Variants in GAS7 observed in about 807,000 individuals in gnomAD.
The protein encoded by GAS7 is growth arrest specific 7, also known as growth arrest-specific protein 7.
In GAS7, 28 loss-of-function variants were observed where a neutral mutation model predicts 71.1. The observed-to-expected ratio is 0.39, with a 90% CI of 0.29 to 0.54. The LOEUF is 0.54. GAS7 is among the 20% of genes least tolerant of loss of function. The pLI is 0.62. For synonymous variants in GAS7, 258 were observed against 245.8 expected (o/e 1.05, Z -0.46); for missense variants, 436 against 627.8 (o/e 0.69, Z 3.27).
chr17:10,113,128 C>T (rs1307831628), intron 1 of GAS7, among the ~76,000 whole-genome samples: 1 of 151,934 alleles, frequency 6.6e-6, no homozygotes, highest in Non-Finnish European at 1.5e-5. Flanking sequence ...GAGAGAAATT[C>T]AACAGAAAGT....
intron 5 of GAS7, among the ~76,000 whole-genome samples, chr17:9,958,732 T>C (rs2069350286): frequency 6.6e-6 from 1 of 152,192 alleles, no homozygotes; most frequent in Non-Finnish European, 1.5e-5. Flanking sequence ...CTGGCCACTC[T>C]AGGCAGAAGC....
At chr17:10,167,232 T>C (rs1448070484) in intron 1 of GAS7, among the ~76,000 whole-genome samples, 1 of 150,448 alleles carries the variant, frequency 6.6e-6, no homozygotes. Flanking sequence ...TAATTTTGTG[T>C]TTTTAGTAGA....
At position 9,925,616 on chromosome 17, in the gene GAS7, C is replaced by T. The variant is rs750871893; in HGVS notation, c.1015-17G>A. 53 of 1,613,772 alleles carry T rather than the reference C, an allele frequency of 3.3e-5. No individual in the cohort carries two copies. Among genetic ancestry groups the T allele is most frequent in the East Asian group, 4.5e-5 (2 of 44,880 alleles). ...TTTCCGGGCCTGGGGTCCAAGGACA[C>T]GGAGAAGCTGCTCATACAGCTCGGA... On this transcript the variant is annotated splice_polypyrimidine_tract_variant and intron_variant, in intron 10 of 13. Transcript: ENST00000432992.
chr17:9,934,368 C>G (rs996418567), intron 8 of GAS7, 124 bp from the exon 9 acceptor site: 2 of 684,060 alleles, frequency 2.9e-6, no homozygotes, highest in Admixed American at 2.3e-5. Flanking sequence ...GCGGATGAGG[C>G]AGAAGTCAGG....
chr17:9,925,414 C>T, intron 11 of GAS7, 62 bp downstream of exon 11: 2 of 1,576,954 alleles, frequency 1.3e-6, no homozygotes, highest in Non-Finnish European at 1.7e-6. Context: ...ACCTCATCTC[C>T]TAGCCCCGTG....
At position 10,176,572 on chromosome 17, in the gene GAS7, T is replaced by C. The variant is rs142314459; in HGVS notation, c.183+21636A>G. Reference sequence around the variant, plus strand: ...AAGGTCAGAGATCTTACATGAACATTGCAAGGCCAAAGAGCCAATAACTCT... The same window carrying C: ...AAGGTCAGAGATCTTACATGAACATCGCAAGGCCAAAGAGCCAATAACTCT... On this transcript the variant is annotated intron_variant, in intron 1 of 13. Coordinates refer to ENST00000432992, the MANE Select transcript of GAS7 (RefSeq NM_201433.2). 4.6e-5 allele frequency among the ~76,000 whole-genome samples: 7 copies of C among 152,218 alleles called. No homozygotes were observed. In the East Asian group the frequency reaches 9.7e-4, roughly 21 times the overall value.
intron 1 of GAS7, among the ~76,000 whole-genome samples, chr17:10,112,429 G>A (rs2073822109): frequency 6.6e-6 from 1 of 152,092 alleles, no homozygotes; most frequent in South Asian, 2.1e-4. Flanking sequence ...AAGATAATAG[G>A]AGTAGCATGT....
chr17:10,055,233 G>A (rs1465639058), intron 1 of GAS7, among the ~76,000 whole-genome samples: 1 of 152,200 alleles, frequency 6.6e-6, no homozygotes, highest in Non-Finnish European at 1.5e-5. Flanking sequence ...AGCGCTGGAA[G>A]CTAGCACCTG....
intron 1 of GAS7, among the ~76,000 whole-genome samples, chr17:10,155,598 A>G (rs972158408): frequency 6.6e-6 from 1 of 152,114 alleles, no homozygotes; most frequent in South Asian, 2.1e-4. Flanking sequence ...TCAGGGATCA[A>G]TTTAGACCAT....
intron 5 of GAS7, among the ~76,000 whole-genome samples, chr17:9,952,946 A>G (rs1200236906): frequency 6.6e-6 from 1 of 152,162 alleles, no homozygotes; most frequent in African/African-American, 2.4e-5. Flanking sequence ...GTGATTCCTC[A>G]AAGAACTAAA....
At chr17:9,987,452 T>C (rs539186100) in intron 2 of GAS7, among the ~76,000 whole-genome samples, 103 of 152,166 alleles carry the variant, frequency 6.8e-4, no homozygotes, top group Non-Finnish European at 1.1e-3. Flanking sequence ...ATGTTAATCT[T>C]CTCCTCAGCG....
intron 1 of GAS7, among the ~76,000 whole-genome samples, chr17:10,106,028 C>T (rs2073753523): frequency 6.6e-6 from 1 of 152,152 alleles, no homozygotes; most frequent in Non-Finnish European, 1.5e-5. Flanking sequence ...TCCTCCTGGG[C>T]AGTACTATAA....
intron 1 of GAS7, among the ~76,000 whole-genome samples, chr17:10,148,197 G>A (rs1430945154): frequency 6.6e-6 from 1 of 152,180 alleles, no homozygotes; most frequent in East Asian, 1.9e-4. Context: ...TTTCTTGGTT[G>A]TGTTCTGGTG....
At position 9,959,994 on chromosome 17, in the gene GAS7, G is replaced by A. The variant is rs112979306; in HGVS notation, c.472-739C>T. On this transcript the variant is annotated intron_variant, in intron 4 of 13. Coordinates refer to ENST00000432992, the MANE Select transcript of GAS7 (RefSeq NM_201433.2). The surrounding 1 kb of genome is among the most constrained non-coding windows in gnomAD (Gnocchi z 5.0). Reference sequence around the variant, plus strand: ...TGCTACACGTGTCCTAAGAGCCTACGACTCCAAAGAATGTTTGATTCTGGG... The same window carrying A: ...TGCTACACGTGTCCTAAGAGCCTACAACTCCAAAGAATGTTTGATTCTGGG... Among the ~76,000 whole-genome samples, 36 of 152,160 alleles carry A rather than the reference G, an allele frequency of 2.4e-4. No homozygotes were observed. Among genetic ancestry groups the A allele is most frequent in the African/African-American group, 6.5e-4 (27 of 41,512 alleles).
At chr17:9,918,310 G>A (rs937992870) in intron 12 of GAS7, among the ~76,000 whole-genome samples, 6 of 152,040 alleles carry the variant, frequency 3.9e-5, no homozygotes, top group Non-Finnish European at 5.9e-5. Context: ...ATCCTGCTCC[G>A]CCACGCACAG....
chr17:10,164,848 G>GAAAAAAAA (rs755151597), intron 1 of GAS7, among the ~76,000 whole-genome samples: 2 of 106,100 alleles, frequency 1.9e-5, no homozygotes, highest in Admixed American at 1.0e-4. Flanking sequence ...ATGAAAAAAG[G>GAAAAAAAA]AAAAAAAAAA....
rs913423810 is a variant in GAS7 at position 10,034,854 on chromosome 17, C to T, written c.184-14957G>A. ...GTCCACCTCTTCCCTGTCACTCCTC[C>T]GAGCCACGTGAGTGGTCTTAGCTCT... On this transcript the variant is annotated intron_variant, in intron 1 of 13. Transcript: ENST00000432992. This position sits in a 1 kb window ranked among gnomAD's most constrained non-coding sequence, Gnocchi z 4.4. 6.6e-6 allele frequency among the ~76,000 whole-genome samples: 1 copy of T among 152,118 alleles called. No individual in the cohort carries two copies. The highest frequency in any genetic ancestry group is 2.4e-5 in the African/African-American group (1 of 41,424).
At chr17:10,100,740 AG>A (rs2073690597) in intron 1 of GAS7, among the ~76,000 whole-genome samples, 1 of 152,186 alleles carries the variant, frequency 6.6e-6, no homozygotes, top group Non-Finnish European at 1.5e-5. Flanking sequence ...AGAATCAGAA[AG>A]ACTCTAAAGT....
chr17:9,976,527 T>C (rs1597593879), intron 3 of GAS7, among the ~76,000 whole-genome samples: 1 of 152,256 alleles, frequency 6.6e-6, no homozygotes, highest in East Asian at 1.9e-4. Flanking sequence ...AGGAGCCCCC[T>C]CCCCAGAGAG....
Sources: gnomAD v4.1 joint callset for allele counts (sites outside exome capture counted in the v4.1 genomes callset) on GRCh38, gnomAD v4.1.1 for gene constraint, Gnocchi (gnomAD v3.1) non-coding constraint, MANE v1.5 for transcripts, NCBI Gene and HGNC (gene_info 2026-07-23, HGNC 2026-07-21) for gene names.